The following DOC2B variants were observed in gnomAD, a reference collection of about 807,000 sequenced individuals.
The protein encoded by DOC2B is double C2-like domain-containing protein beta.
A neutral mutation model predicts 28.9 loss-of-function variants in DOC2B; 21 were observed. That is an observed-to-expected ratio of 0.73 (90% CI 0.52 to 1.05). The LOEUF (loss-of-function observed/expected upper bound fraction) is 1.05. Ranked by LOEUF, DOC2B falls within the 50% of genes least tolerant of loss-of-function variation. DOC2B has a pLI of 0.00. For synonymous variants in DOC2B, 194 were observed against 178.1 expected (o/e 1.09, Z -0.71); for missense variants, 384 against 421.1 (o/e 0.91, Z 0.77).
intron 1 of DOC2B, among the ~76,000 whole-genome samples, chr17:173,998 C>T (rs543041329): frequency 1.3e-5 from 2 of 152,320 alleles, no homozygotes; most frequent in East Asian, 3.9e-4. Context: ...ATTTACTATC[C>T]AGCCCTTCTT....
chr17:180,498 G>T (rs1160590281), intron 1 of DOC2B, among the ~76,000 whole-genome samples: 1 of 152,158 alleles, frequency 6.6e-6, no homozygotes, highest in Non-Finnish European at 1.5e-5. Context: ...GGACACCGGA[G>T]GAGGAAACGC....
rs2040029762 is a variant in DOC2B, at chr17:147,593, A to G, written c.1103-16T>C. The G allele has an allele frequency of 7.5e-6, 3 of 398,740 alleles. No homozygotes were observed. Among genetic ancestry groups the G allele is most frequent in the Non-Finnish European group, 1.3e-5 (3 of 226,250 alleles). The allele number at this position is 398,740 out of a possible 1,614,324, so 24.7% of individuals were successfully genotyped here. A position where few individuals can be genotyped will look rare whatever the true frequency, so the allele number is the denominator to read the frequency against. On this transcript the variant is annotated splice_polypyrimidine_tract_variant and intron_variant, in intron 8 of 8. Transcript: ENST00000613549. ...ACCACACCACCTGCAGGAGGACAGG[A>G]GGGGCAGCTGGGGCACAGGGACCCC...
chr17:181,509 G>GCCCGGCCCGGCGCGAC lies in DOC2B; in HGVS notation c.-46_-31dup. On this transcript the variant is annotated 5_prime_UTR_variant, in exon 1 of 9. Transcript: ENST00000613549. The surrounding 1 kb of genome is among the most constrained non-coding windows in gnomAD (Gnocchi z 7.0). ...GCAGCGCCGCCCCGCCCCGGGCGCG[G>GCCCGGCCCGGCGCGAC]CCCGGCCCGGCGCGACCCCGGCCCG... 3 of 994,460 alleles carry GCCCGGCCCGGCGCGAC rather than the reference G, an allele frequency of 3.0e-6. No homozygotes were observed. The highest frequency in any genetic ancestry group is 1.1e-4 in the East Asian group (1 of 9,260). The allele number at this position is 994,460 out of a possible 1,614,324, so 61.6% of individuals were successfully genotyped here. A position where few individuals can be genotyped will look rare whatever the true frequency, so the allele number is the denominator to read the frequency against.
chr17:175,151 C>T (rs1257404452), intron 1 of DOC2B, among the ~76,000 whole-genome samples: 1 of 152,122 alleles, frequency 6.6e-6, no homozygotes. Flanking sequence ...GGTGGGAGGA[C>T]CGCTTGAGCC....
rs1555523226 is a variant in DOC2B at position 161,478 on chromosome 17, G to A, written c.702C>T (p.Pro234=). The A allele has an allele frequency of 6.4e-7, 1 of 1,551,730 alleles. No homozygotes were observed. The highest frequency in any genetic ancestry group is 8.7e-7 in the Non-Finnish European group (1 of 1,146,998). ...TGTGGTTGGGTTTCAGCTTCTTCAG[G>A]GGCACACGTGTCTCCCCGATGAACT... ...HNEFIGETRV[P]LKKLKPNHTK... The change falls in exon 5 of 9, where the codon CCC becomes CCT. Residue 234 remains proline (P), a synonymous_variant. Transcript: ENST00000613549.
At chr17:165,247 G>A (rs965046645) in intron 2 of DOC2B, among the ~76,000 whole-genome samples, 7 of 152,082 alleles carry the variant, frequency 4.6e-5, no homozygotes, top group African/African-American at 1.5e-4. Flanking sequence ...GGTGGCTCAC[G>A]CCTGTAATCC....
chr17:169,788 C>T (rs1185325626), intron 2 of DOC2B, among the ~76,000 whole-genome samples: 1 of 152,068 alleles, frequency 6.6e-6, no homozygotes, highest in Admixed American at 6.5e-5. Context: ...GGCCCCTCCC[C>T]ACACCCCAGC....
intron 5 of DOC2B, among the ~76,000 whole-genome samples, chr17:157,650 G>C (rs1355520728): frequency 6.6e-6 from 1 of 152,114 alleles, no homozygotes; most frequent in Non-Finnish European, 1.5e-5. Flanking sequence ...TGCCATGTCT[G>C]CCAGGCTGGT....
rs2040007447 is a variant in DOC2B at position 144,742 on chromosome 17, C to G, written c.*2699G>C. 6.6e-6 allele frequency: 1 copy of G among 152,254 alleles called. No individual in the cohort carries two copies. The highest frequency in any genetic ancestry group is 2.1e-4 in the South Asian group (1 of 4,838). 9.4% of individuals were successfully genotyped at this position (152,254 alleles called of 1,614,324 possible). A position where few individuals can be genotyped will look rare whatever the true frequency, so the allele number is the denominator to read the frequency against. On this transcript the variant is annotated 3_prime_UTR_variant, in exon 9 of 9. Transcript: ENST00000613549. The stretch of plus-strand genomic sequence containing the variant: ...TCTTTCGGTCCCAGCCCCATTTGCA[C>G]AGCCTGGGCAGTAGAGGGCCCTGGA...
chr17:180,028 G>C lies in DOC2B; in HGVS notation c.373+1079C>G, dbSNP rs368704313. Among the ~76,000 whole-genome samples, 8 of 152,366 alleles carry C rather than the reference G, an allele frequency of 5.3e-5. No individual in the cohort carries two copies. The South Asian group carries it at 1.0e-3, about 20-fold the overall frequency. On this transcript the variant is annotated intron_variant, in intron 1 of 8. Transcript: ENST00000613549. The stretch of plus-strand genomic sequence containing the variant: ...CCGCAGCCCACAGGCCCTGGTGAGT[G>C]CCCAGGCCAGGCGCAGACATCCCTG...
At position 145,042 on chromosome 17, in the gene DOC2B, CCA is replaced by C. The variant is rs1188384743; in HGVS notation, c.*2397_*2398del. Reference sequence around the variant, plus strand: ...ATAGACCACCTCTTACCTTAGGCCCCCAGAGGGTGCCCATTCTGTGTGGAGAA... The same window carrying C: ...ATAGACCACCTCTTACCTTAGGCCCCGAGGGTGCCCATTCTGTGTGGAGAA... On this transcript the variant is annotated 3_prime_UTR_variant, in exon 9 of 9. Transcript: ENST00000613549. 1 of 152,220 alleles carries C rather than the reference CCA, an allele frequency of 6.6e-6. No homozygotes were observed. The highest frequency in any genetic ancestry group is 1.5e-5 in the Non-Finnish European group (1 of 68,058). The allele number at this position is 152,220 out of a possible 1,614,324, so 9.4% of individuals were successfully genotyped here.
At chr17:166,580 C>T (rs531283664) in intron 2 of DOC2B, among the ~76,000 whole-genome samples, 4 of 152,390 alleles carry the variant, frequency 2.6e-5, no homozygotes, top group Admixed American at 2.0e-4. Context: ...AACTGAATCA[C>T]AAGGGGAGGT....
rs1340105324 is a variant in DOC2B, at chr17:181,114, G to T, written c.366C>A (p.Asp122Glu). 2.6e-5 allele frequency: 33 copies of T among 1,250,442 alleles called. No individual in the cohort carries two copies. Among genetic ancestry groups the T allele is most frequent in the South Asian group, 2.9e-5 (1 of 34,162 alleles). The allele number at this position is 1,250,442 out of a possible 1,614,324, so 77.5% of individuals were successfully genotyped here. A position where few individuals can be genotyped will look rare whatever the true frequency, so the allele number is the denominator to read the frequency against. The stretch of plus-strand genomic sequence containing the variant: ...GGCGCGTGGGAAACTTACTGCAGTC[G>T]TCCGACTCGTAGCCGTCGGCGTCCG... Reference protein sequence around the residue: ...DEPDADGYESDDCTALGTLDF... With the variant: ...DEPDADGYESEDCTALGTLDF... The change falls in exon 1 of 9, where the codon GAC (aspartate) becomes GAA (glutamate). Residue 122 changes from aspartate to glutamate, a missense_variant. By Grantham distance (45) the Asp-to-Glu change is conservative. Coordinates refer to ENST00000613549, the MANE Select transcript of DOC2B (RefSeq NM_003585.5). The surrounding 1 kb of genome is among the most constrained non-coding windows in gnomAD (Gnocchi z 7.0).
chr17:147,881 C>T (rs924515016), intron 8 of DOC2B, among the ~76,000 whole-genome samples: 2 of 152,194 alleles, frequency 1.3e-5, no homozygotes, highest in East Asian at 3.8e-4. Flanking sequence ...GCCACCAGGC[C>T]CACTGGGAAT....
intron 3 of DOC2B, among the ~76,000 whole-genome samples, chr17:162,529 C>T (rs774250481): frequency 1.3e-5 from 2 of 152,204 alleles, no homozygotes; most frequent in Non-Finnish European, 2.9e-5. Context: ...CCAGGAGGGC[C>T]GATGGCCTCT....
chr17:161,075 G>T (rs185732955), intron 5 of DOC2B, among the ~76,000 whole-genome samples: 3 of 151,926 alleles, frequency 2.0e-5, no homozygotes, highest in Non-Finnish European at 4.4e-5. Flanking sequence ...CCCTCCTACC[G>T]CTGCCAAGGT....
intron 2 of DOC2B, among the ~76,000 whole-genome samples, chr17:169,706 G>A (rs183540679): frequency 3.7e-4 from 57 of 152,050 alleles, no homozygotes; most frequent in African/African-American, 1.4e-3. Flanking sequence ...GACAAGCAAG[G>A]GTGCACCCCA....
Position 155,226 on chromosome 17 carries a change from C to A in DOC2B, c.923+994G>T, listed in dbSNP as rs2040120766. ...CAGGATGGTCTCAAACTCCTAGCCT[C>A]AAGCAATCCTCCTGCCTTGGCCTCC... On this transcript the variant is annotated intron_variant, in intron 6 of 8. Coordinates refer to ENST00000613549, the MANE Select transcript of DOC2B (RefSeq NM_003585.5). 2.0e-5 allele frequency among the ~76,000 whole-genome samples: 3 copies of A among 152,118 alleles called. No individual in the cohort carries two copies. The South Asian group carries it at 6.2e-4, about 32-fold the overall frequency.
Position 147,290 on chromosome 17 carries a change from T to A in DOC2B, c.*151A>T. 2 of 389,070 alleles carry A rather than the reference T, an allele frequency of 5.1e-6. No individual in the cohort carries two copies. Among genetic ancestry groups the A allele is most frequent in the Non-Finnish European group, 4.5e-6 (1 of 220,604 alleles). 24.1% of individuals were successfully genotyped at this position (389,070 alleles called of 1,614,324 possible). On this transcript the variant is annotated 3_prime_UTR_variant, in exon 9 of 9. Transcript: ENST00000613549. ...CAGAGTGGCTGAGCCCTCCACATCC[T>A]CCGAGCGGGGACTGCAGTGGCTCTG... is the stretch of plus-strand genomic sequence containing the variant.
Sources: allele counts gnomAD v4.1 joint callset (sites outside exome capture counted in the v4.1 genomes callset), GRCh38; gene constraint gnomAD v4.1.1; non-coding constraint Gnocchi (gnomAD v3.1); transcripts MANE v1.5; gene names NCBI Gene and HGNC (gene_info 2026-07-23, HGNC 2026-07-21).